The following ZNF469 variants were observed in gnomAD, a reference collection of about 807,000 sequenced individuals.
ZNF469 encodes zinc finger protein 469.
A neutral mutation model predicts 1.0 loss-of-function variants in ZNF469; 1 was observed. The observed-to-expected ratio is 1.00, with a 90% confidence interval of 0.35 to 4.73. The LOEUF is 4.73. ZNF469 is among the 30% of genes most tolerant of loss of function. The probability of loss-of-function intolerance (pLI) is 0.16; values close to 1 mark genes in which losing one functional copy is unlikely to be tolerated. For synonymous variants in ZNF469, 2,703 were observed against 2,363.4 expected (o/e 1.14, Z -4.17); for missense variants, 6,100 against 5,356.3 (o/e 1.14, Z -4.33).
chr16:88,309,210 A>C, the ZNF469 span, among the ~76,000 whole-genome samples: 2 of 152,258 alleles, frequency 1.3e-5, no homozygotes, highest in East Asian at 3.9e-4. Flanking sequence ...GGAAGGCCTC[A>C]TAAGTGTCAC....
At chr16:88,379,465 T>C (rs2092515891), upstream of ZNF469, among the ~76,000 whole-genome samples, 1 of 151,966 alleles carries the variant, frequency 6.6e-6, no homozygotes, top group African/African-American at 2.4e-5. Flanking sequence ...AGCTCTCTGA[T>C]GGCTTTGAGG....
At chr16:88,419,851 C>T (rs1391684995) in intron 1 of ZNF469, among the ~76,000 whole-genome samples, 1 of 152,262 alleles carries the variant, frequency 6.6e-6, no homozygotes, top group Non-Finnish European at 1.5e-5. Context: ...GGCCTTGGAG[C>T]TGGGATTGAG....
the ZNF469 span, among the ~76,000 whole-genome samples, chr16:88,232,601 A>G: frequency 6.6e-6 from 1 of 152,222 alleles, no homozygotes; most frequent in Non-Finnish European, 1.5e-5. Context: ...CCCTGGGTGC[A>G]GTGATGCGTG....
chr16:88,140,463 G>T, the ZNF469 span, among the ~76,000 whole-genome samples: 1 of 152,042 alleles, frequency 6.6e-6, no homozygotes, highest in Non-Finnish European at 1.5e-5. Context: ...GAAATCGGGG[G>T]GTAGCACGGA....
At chr16:88,205,861 A>C in the ZNF469 span, among the ~76,000 whole-genome samples, 1 of 152,204 alleles carries the variant, frequency 6.6e-6, no homozygotes, top group African/African-American at 2.4e-5. The surrounding 1 kb of genome is among the most constrained non-coding windows in gnomAD (Gnocchi z 4.2). Context: ...CTGGAAAGAA[A>C]TTCTGAAAAC....
chr16:88,192,525 C>G, the ZNF469 span, among the ~76,000 whole-genome samples: 15,339 of 152,026 alleles, frequency 0.1, 993 homozygotes, highest in Admixed American at 0.2. Context: ...CTTACTGGGT[C>G]TCAACTCCCA....
chr16:88,196,393 G>C, the ZNF469 span, among the ~76,000 whole-genome samples: 1 of 152,148 alleles, frequency 6.6e-6, no homozygotes, highest in Admixed American at 6.5e-5. Flanking sequence ...AGCCATCGGG[G>C]GGAAATTTGG....
At chr16:88,363,094 C>A in the ZNF469 span, among the ~76,000 whole-genome samples, 2 of 152,046 alleles carry the variant, frequency 1.3e-5, no homozygotes, top group African/African-American at 4.8e-5. Flanking sequence ...GGCTTTCTGT[C>A]TTTTTTATTT....
At chr16:88,256,895 CTTCTTTCTTTCTTTCTTTCT>C in the ZNF469 span, among the ~76,000 whole-genome samples, 2 of 51,430 alleles carry the variant, frequency 3.9e-5, no homozygotes, top group African/African-American at 1.4e-4. Flanking sequence ...CTTTTCTTTC[CTTCTTTCTTTCTTTCTTTCT>C]TTCTTTCTTT....
chr16:88,314,516 G>A, the ZNF469 span, among the ~76,000 whole-genome samples: 2 of 143,708 alleles, frequency 1.4e-5, no homozygotes, highest in Non-Finnish European at 3.0e-5. Flanking sequence ...AGATGATGCT[G>A]GTGTAGAATA....
chr16:88,377,918 C>A, the ZNF469 span, among the ~76,000 whole-genome samples: 1 of 152,244 alleles, frequency 6.6e-6, no homozygotes, highest in Admixed American at 6.5e-5. Context: ...TTGAGCCGAG[C>A]CCTGGCCAGG....
At chr16:88,221,274 G>T in the ZNF469 span, among the ~76,000 whole-genome samples, 48 of 152,330 alleles carry the variant, frequency 3.2e-4, no homozygotes, top group African/African-American at 1.1e-3. Context: ...CTCATCACCA[G>T]ATCTATAAAA....
the ZNF469 span, among the ~76,000 whole-genome samples, chr16:88,307,017 C>T: frequency 2.0e-5 from 3 of 152,212 alleles, no homozygotes; most frequent in Non-Finnish European, 4.4e-5. Context: ...CCTACTTCTA[C>T]CCCGGTCCCT....
the ZNF469 span, among the ~76,000 whole-genome samples, chr16:88,362,759 C>A: frequency 2.0e-5 from 3 of 152,092 alleles, no homozygotes; most frequent in African/African-American, 7.2e-5. Context: ...TATCTTTCAC[C>A]AAATTGGAGA....
the ZNF469 span, among the ~76,000 whole-genome samples, chr16:88,130,975 C>T: frequency 6.6e-6 from 1 of 152,176 alleles, no homozygotes; most frequent in Non-Finnish European, 1.5e-5. Context: ...CAGCCGGGGA[C>T]GGGGGTGCGA....
the ZNF469 span, among the ~76,000 whole-genome samples, chr16:88,223,539 C>T: frequency 1.7e-3 from 262 of 152,232 alleles, no homozygotes; most frequent in Non-Finnish European, 2.5e-3. Flanking sequence ...TGGTTAGAGA[C>T]GGAGCAGAAA....
the ZNF469 span, among the ~76,000 whole-genome samples, chr16:88,349,271 C>T: frequency 1.3e-5 from 2 of 152,128 alleles, no homozygotes; most frequent in Non-Finnish European, 2.9e-5. Context: ...CGAGGCTCTA[C>T]ACGCACAGGT....
the ZNF469 span, among the ~76,000 whole-genome samples, chr16:88,130,851 T>C: frequency 6.6e-6 from 1 of 152,204 alleles, no homozygotes; most frequent in Non-Finnish European, 1.5e-5. Flanking sequence ...GAAACGACGC[T>C]GCCTGGGATG....
chr16:88,358,350 CAG>C, the ZNF469 span, among the ~76,000 whole-genome samples: 2 of 152,214 alleles, frequency 1.3e-5, no homozygotes, highest in Non-Finnish European at 2.9e-5. Context: ...CCGTGTTGGG[CAG>C]AGTGTCATGA....
Sources: gnomAD v4.1 joint callset for allele counts (sites outside exome capture counted in the v4.1 genomes callset) on GRCh38, gnomAD v4.1.1 for gene constraint, Gnocchi (gnomAD v3.1) non-coding constraint, MANE v1.5 for transcripts, NCBI Gene and HGNC (gene_info 2026-07-23, HGNC 2026-07-21) for gene names.